The following MS4A4A variants were observed in gnomAD, a reference collection of about 807,000 sequenced individuals.
MS4A4A encodes the protein membrane-spanning 4-domains subfamily A member 4A.
MS4A4A carries 26 observed loss-of-function variants against 28.0 expected under a neutral mutation model. The ratio of observed to expected loss-of-function variants is 0.93; its 90% CI spans 0.68 to 1.29. The LOEUF is 1.29. Among genes scored for constraint, MS4A4A ranks in the 50% most tolerant of loss-of-function variants. MS4A4A has a pLI of 0.00. For missense variants in MS4A4A, 290 were observed against 293.1 expected (o/e 0.99, Z 0.08); for synonymous variants, 86 against 100.8 (o/e 0.85, Z 0.88).
chr11:60,304,688 G>C (rs2084982312), intron 5 of MS4A4A, among the ~76,000 whole-genome samples: 3 of 152,178 alleles, frequency 2.0e-5, no homozygotes, highest in Admixed American at 2.0e-4. Flanking sequence ...AAGCCCATTT[G>C]TTTACATATT....
rs1296772531 is a variant in MS4A4A, at chr11:60,307,750, T to C, written c.649-357T>C. 2.6e-5 allele frequency among the ~76,000 whole-genome samples: 4 copies of C among 152,318 alleles called. No individual in the cohort carries two copies. The East Asian group carries it at 7.7e-4, about 29-fold the overall frequency. On this transcript the variant is annotated intron_variant, in intron 6 of 6. Transcript: ENST00000337908. Reference sequence around the variant, plus strand: ...ATTATTCATAACTAGCAAATCATGATTTGGGTATGTTGATGTCATCAGCAT... The same window carrying C: ...ATTATTCATAACTAGCAAATCATGACTTGGGTATGTTGATGTCATCAGCAT...
At chr11:60,291,562 G>T (rs576347064) in intron 1 of MS4A4A, among the ~76,000 whole-genome samples, 11 of 152,092 alleles carry the variant, frequency 7.2e-5, no homozygotes, top group Non-Finnish European at 1.5e-4. Context: ...CACTTTGGGA[G>T]GCCGAGGCGG....
chr11:60,283,188 TC>T (rs1764268046), intron 1 of MS4A4A, among the ~76,000 whole-genome samples: 3 of 152,278 alleles, frequency 2.0e-5, no homozygotes, highest in South Asian at 4.1e-4. Flanking sequence ...GGCCTCAGCC[TC>T]CTGAGTAGCT....
chr11:60,292,665 T>C (rs1029252632), intron 2 of MS4A4A, among the ~76,000 whole-genome samples: 1 of 152,084 alleles, frequency 6.6e-6, no homozygotes, highest in African/African-American at 2.4e-5. Context: ...AGCAGCAAAA[T>C]AAAAGGCCAC....
At chr11:60,293,064 A>T (rs1001967845) in intron 2 of MS4A4A, among the ~76,000 whole-genome samples, 1 of 151,778 alleles carries the variant, frequency 6.6e-6, no homozygotes, top group African/African-American at 2.4e-5. Flanking sequence ...TTTATTTTTA[A>T]TTTTATTTTT....
intron 5 of MS4A4A, among the ~76,000 whole-genome samples, chr11:60,303,232 T>G (rs1000123367): frequency 1.3e-5 from 2 of 152,226 alleles, no homozygotes; most frequent in African/African-American, 4.8e-5. Context: ...CTTTTACTAC[T>G]TTTTTGTACC....
At chr11:60,284,948 CAGAAGGGAGAAGAGG>C (rs2084791128) in intron 1 of MS4A4A, among the ~76,000 whole-genome samples, 1 of 152,186 alleles carries the variant, frequency 6.6e-6, no homozygotes, top group African/African-American at 2.4e-5. Flanking sequence ...CCAACTGCCC[CAGAAGGGAGAAGAGG>C]TAATTTTTAT....
chr11:60,291,701 G>A (rs1358527580), intron 1 of MS4A4A, among the ~76,000 whole-genome samples: 2 of 151,436 alleles, frequency 1.3e-5, no homozygotes, highest in Non-Finnish European at 2.9e-5. Flanking sequence ...GGGAGACTGA[G>A]GCAGGAGAAT....
At chr11:60,294,892 A>ACTACTACTACTTCTTCTT (rs60374079) in intron 2 of MS4A4A, among the ~76,000 whole-genome samples, 10 of 130,940 alleles carry the variant, frequency 7.6e-5, no homozygotes, top group East Asian at 4.6e-4. Context: ...TACAACTACT[A>ACTACTACTACTTCTTCTT]CTTCTTCTTC....
intron 6 of MS4A4A, 28 bp downstream of exon 6, chr11:60,306,229 A>C: frequency 6.5e-7 from 1 of 1,527,362 alleles, no homozygotes; most frequent in Non-Finnish European, 9.1e-7. Context: ...TTTGAAGATG[A>C]CTGTATTAGT....
rs2135038751 is a variant in MS4A4A, at chr11:60,308,388, C to T, written c.*210C>T. On this transcript the variant is annotated 3_prime_UTR_variant, in exon 7 of 7. Coordinates refer to ENST00000337908, the MANE Select transcript of MS4A4A (RefSeq NM_148975.3). ...CATTTTTTTCCCTGGAACTCAATAA[C>T]TCATTTCACTGGCTCTTTATCGAGA... 1 of 481,642 alleles carries T rather than the reference C, an allele frequency of 2.1e-6. No individual in the cohort carries two copies. The highest frequency in any genetic ancestry group is 3.6e-6 in the Non-Finnish European group (1 of 274,962). 29.8% of individuals were successfully genotyped at this position (481,642 alleles called of 1,614,324 possible).
At chr11:60,299,640 T>C (rs908048984) in intron 3 of MS4A4A, among the ~76,000 whole-genome samples, 3 of 151,838 alleles carry the variant, frequency 2.0e-5, no homozygotes, top group Non-Finnish European at 2.9e-5. Context: ...ACCCGGCTAA[T>C]TTTTTTGTAT....
intron 3 of MS4A4A, among the ~76,000 whole-genome samples, chr11:60,300,196 C>A (rs1356333600): frequency 1.3e-5 from 2 of 152,120 alleles, no homozygotes; most frequent in Non-Finnish European, 2.9e-5. Context: ...GAGAGTCTAA[C>A]CAACTTGACT....
chr11:60,298,575 TAA>T (rs2084925279), intron 3 of MS4A4A, among the ~76,000 whole-genome samples: 1 of 152,234 alleles, frequency 6.6e-6, no homozygotes, highest in African/African-American at 2.4e-5. Context: ...AGAGGTTAAG[TAA>T]CTAACCCAAC....
At chr11:60,301,172 T>A in intron 4 of MS4A4A, 115 bp downstream of exon 4, 2 of 839,932 alleles carry the variant, frequency 2.4e-6, no homozygotes, top group Non-Finnish European at 3.5e-6. Context: ...CAGGAGCGAT[T>A]GTGCATTTTA....
chr11:60,289,893 G>C (rs993387214), intron 1 of MS4A4A, among the ~76,000 whole-genome samples: 7 of 152,084 alleles, frequency 4.6e-5, no homozygotes, highest in African/African-American at 1.7e-4. Context: ...TTTGAAATTT[G>C]AGATTATGTT....
intron 2 of MS4A4A, among the ~76,000 whole-genome samples, chr11:60,293,436 G>A (rs780961697): frequency 1.1e-4 from 16 of 152,090 alleles, no homozygotes; most frequent in Non-Finnish European, 1.5e-5. Flanking sequence ...TATGCCCCTT[G>A]CCCCCACAAA....
intron 1 of MS4A4A, among the ~76,000 whole-genome samples, chr11:60,285,776 G>A (rs1386513666): frequency 1.3e-5 from 2 of 152,136 alleles, no homozygotes; most frequent in Non-Finnish European, 2.9e-5. Context: ...AGGGCAGAAG[G>A]GCAGAGCAAG....
At position 60,308,075 on chromosome 11, in the gene MS4A4A, G is replaced by T. The variant is rs201740545; in HGVS notation, c.649-32G>T. 29 of 1,601,006 alleles carry T rather than the reference G, an allele frequency of 1.8e-5. No homozygotes were observed. The Middle Eastern group carries it at 4.9e-4, about 27-fold the overall frequency. On this transcript the variant is annotated intron_variant, in intron 6 of 6. Transcript: ENST00000337908. ...AGGGGCACTCTGAGGTGATTTGGGTGACTCACCTTTGGCATTCTGATTGTT... is the reference window on the plus strand; with the variant it reads ...AGGGGCACTCTGAGGTGATTTGGGTTACTCACCTTTGGCATTCTGATTGTT...
Sources: allele counts gnomAD v4.1 joint callset (sites outside exome capture counted in the v4.1 genomes callset), GRCh38; gene constraint gnomAD v4.1.1; transcripts MANE v1.5; gene names NCBI Gene and HGNC (gene_info 2026-07-23, HGNC 2026-07-21).